The following ADK variants were observed in gnomAD, a reference collection of about 807,000 sequenced individuals.
ADK encodes the protein adenosine kinase, also known as N6,N6-dimethyladenosine kinase.
ADK carries 24 observed loss-of-function variants against 44.7 expected under a neutral mutation model. The observed-to-expected ratio is 0.54, with a 90% CI of 0.39 to 0.76. ADK has a LOEUF of 0.76. Among genes scored for constraint, ADK ranks in the 30% least tolerant of loss-of-function variants. The pLI is 0.00. For missense variants in ADK, 321 were observed against 425.1 expected (o/e 0.76, Z 2.15); for synonymous variants, 128 against 142.6 (o/e 0.90, Z 0.73).
At chr10:74,542,235 A>C (rs2133732307) in intron 7 of ADK, among the ~76,000 whole-genome samples, 1 of 152,336 alleles carries the variant, frequency 6.6e-6, no homozygotes, top group East Asian at 1.9e-4. Context: ...CCTGGTCTAC[A>C]TCTCAGTTGC....
At chr10:74,244,658 ATATTAC>A (rs1357658260) in intron 3 of ADK, among the ~76,000 whole-genome samples, 26 of 152,344 alleles carry the variant, frequency 1.7e-4, no homozygotes, top group African/African-American at 6.3e-4. Context: ...TAAGTAAACA[ATATTAC>A]TATCTCATTT....
intron 3 of ADK, among the ~76,000 whole-genome samples, chr10:74,270,339 AATG>A (rs1377680487): frequency 1.3e-5 from 2 of 152,256 alleles, no homozygotes; most frequent in Admixed American, 6.5e-5. Context: ...TCTGGAAAAT[AATG>A]ATATTTTCTA....
At chr10:74,157,103 G>A (rs6480721) in intron 1 of ADK, among the ~76,000 whole-genome samples, 105,894 of 152,016 alleles carry the variant, frequency 0.7, 37,599 homozygotes, top group Middle Eastern at 0.84. Flanking sequence ...GAGTGAAGAT[G>A]CAGAAGTGGC....
At chr10:74,397,194 A>C (rs1303555950) in intron 5 of ADK, among the ~76,000 whole-genome samples, 1 of 151,928 alleles carries the variant, frequency 6.6e-6, no homozygotes, top group Non-Finnish European at 1.5e-5. Context: ...GAATATGTTG[A>C]TGCATATTAC....
At chr10:74,511,638 G>C (rs1446931298) in intron 6 of ADK, among the ~76,000 whole-genome samples, 3 of 151,978 alleles carry the variant, frequency 2.0e-5, no homozygotes, top group Non-Finnish European at 1.5e-5. Flanking sequence ...ACTGATTTTT[G>C]TGTGTTGATT....
At chr10:74,587,214 C>A (rs767823413) in intron 7 of ADK, among the ~76,000 whole-genome samples, 2 of 152,122 alleles carry the variant, frequency 1.3e-5, no homozygotes, top group Non-Finnish European at 2.9e-5. Flanking sequence ...GCTTTTGAAC[C>A]TTTTCCTATT....
At chr10:74,301,527 A>AG in intron 3 of ADK, among the ~76,000 whole-genome samples, 1 of 151,788 alleles carries the variant, frequency 6.6e-6, no homozygotes, top group East Asian at 1.9e-4. Flanking sequence ...AAAAAAAAAA[A>AG]AAAAAAAGTA....
At chr10:74,174,372 T>C (rs1591807057) in intron 1 of ADK, 1 of 124,530 alleles carries the variant, frequency 8.0e-6, no homozygotes, top group Non-Finnish European at 1.7e-5. Flanking sequence ...TAATAGGAAG[T>C]CAAGCAGAAG....
chr10:74,441,187 T>C (rs1845395438), intron 6 of ADK, among the ~76,000 whole-genome samples: 1 of 152,200 alleles, frequency 6.6e-6, no homozygotes, highest in Non-Finnish European at 1.5e-5. Flanking sequence ...GAAAAGATGC[T>C]AATCTTAGCC....
chr10:74,468,924 G>A (rs1396401298), intron 6 of ADK, among the ~76,000 whole-genome samples: 3 of 151,862 alleles, frequency 2.0e-5, no homozygotes, highest in African/African-American at 7.3e-5. Context: ...GCTTTGTTTT[G>A]TTCAAATTAT....
At chr10:74,232,800 A>G (rs563962095) in intron 3 of ADK, among the ~76,000 whole-genome samples, 11 of 151,966 alleles carry the variant, frequency 7.2e-5, no homozygotes, top group African/African-American at 1.2e-4. Flanking sequence ...TGATTTTTCT[A>G]TTTTTAGTAG....
At chr10:74,333,516 T>A (rs1469160749) in intron 4 of ADK, among the ~76,000 whole-genome samples, 1 of 152,208 alleles carries the variant, frequency 6.6e-6, no homozygotes, top group Non-Finnish European at 1.5e-5. Flanking sequence ...AGGAGAAACA[T>A]GAACAATGGC....
chr10:74,481,459 T>G (rs564087492), intron 6 of ADK, among the ~76,000 whole-genome samples: 139 of 152,234 alleles, frequency 9.1e-4, no homozygotes, highest in African/African-American at 3.2e-3. Context: ...TTTATCAGTG[T>G]TTTTTTCTCC....
At chr10:74,595,480 C>T (rs1851878816) in intron 8 of ADK, among the ~76,000 whole-genome samples, 1 of 139,208 alleles carries the variant, frequency 7.2e-6, no homozygotes, top group Non-Finnish European at 1.5e-5. Flanking sequence ...GGGTTCACTC[C>T]ATTCTCCTGC....
chr10:74,204,697 C>T (rs942281716), intron 2 of ADK, among the ~76,000 whole-genome samples: 18 of 152,114 alleles, frequency 1.2e-4, no homozygotes, highest in African/African-American at 4.3e-4. Context: ...CTTTTGGTTA[C>T]CTTGTACTTT....
At chr10:74,397,327 G>A (rs1350118363) in intron 5 of ADK, among the ~76,000 whole-genome samples, 9 of 151,138 alleles carry the variant, frequency 6.0e-5, no homozygotes, top group South Asian at 4.2e-4. Context: ...CAGTGTAATC[G>A]AACATATTAC....
chr10:74,175,802 A>C (rs1475929399), intron 1 of ADK, among the ~76,000 whole-genome samples: 1 of 152,238 alleles, frequency 6.6e-6, no homozygotes, highest in Non-Finnish European at 1.5e-5. Context: ...TATTGCACAG[A>C]GAATAAAGGA....
At chr10:74,181,790 T>A (rs931791848) in intron 1 of ADK, among the ~76,000 whole-genome samples, 1 of 152,194 alleles carries the variant, frequency 6.6e-6, no homozygotes, top group African/African-American at 2.4e-5. Flanking sequence ...TTTCCTAACA[T>A]CAGTGTCTAG....
At chr10:74,359,290 G>A (rs1208301295) in intron 4 of ADK, among the ~76,000 whole-genome samples, 1 of 152,038 alleles carries the variant, frequency 6.6e-6, no homozygotes, top group Non-Finnish European at 1.5e-5. Context: ...GATTATTTTA[G>A]CTATTTGGGG....
Sources: allele counts gnomAD v4.1 joint callset (sites outside exome capture counted in the v4.1 genomes callset), GRCh38; gene constraint gnomAD v4.1.1; transcripts MANE v1.5; gene names NCBI Gene and HGNC (gene_info 2026-07-23, HGNC 2026-07-21).